WDR1: variants seen among roughly 807,000 people sequenced by gnomAD.
WDR1 encodes WD repeat domain 1, also known as WD repeat-containing protein 1.
WDR1 carries 21 observed loss-of-function variants against 71.9 expected under a neutral mutation model. That is an observed-to-expected ratio of 0.29 (90% confidence interval 0.21 to 0.42). The LOEUF (loss-of-function observed/expected upper bound fraction) is 0.42, where lower values mean the gene tolerates loss of function less well. Ranked by LOEUF, WDR1 falls within the 10% of genes least tolerant of loss-of-function variation. The pLI, the probability that WDR1 is intolerant of heterozygous loss-of-function variation, is 1.00. For synonymous variants in WDR1, 424 were observed against 347.4 expected (o/e 1.22, Z -2.45); for missense variants, 696 against 824.5 (o/e 0.84, Z 1.91).
At chr4:10,104,777 A>G (rs1011653526) in intron 2 of WDR1, among the ~76,000 whole-genome samples, 1 of 152,202 alleles carries the variant, frequency 6.6e-6, no homozygotes, top group African/African-American at 2.4e-5. Flanking sequence ...GAATAAAGAC[A>G]TGGCCATCTA....
intron 6 of WDR1, 55 bp downstream of exon 6, chr4:10,088,609 C>A: frequency 1.4e-6 from 2 of 1,467,470 alleles, no homozygotes; most frequent in South Asian, 1.2e-5. Context: ...TCTGAGCAGT[C>A]ACGGGAGCAG....
intron 9 of WDR1, chr4:10,083,721 C>T: frequency 2.2e-6 from 1 of 457,100 alleles, no homozygotes; most frequent in Non-Finnish European, 4.4e-6. Context: ...GGCATCCCTG[C>T]CCAGGCACTC....
chr4:10,093,028 T>C, intron 5 of WDR1: 1 of 1,279,266 alleles, frequency 7.8e-7, no homozygotes, highest in Non-Finnish European at 1.0e-6. Flanking sequence ...CTCCCACCAA[T>C]ATGCTCCCTC....
chr4:10,103,885 C>G lies in WDR1; in HGVS notation c.229+11G>C, dbSNP rs768515673. The G allele has an allele frequency of 7.0e-6, 11 of 1,572,604 alleles. No individual in the cohort carries two copies. The highest frequency in any genetic ancestry group is 1.9e-5 in the Admixed American group (1 of 53,698). On this transcript the variant is annotated intron_variant, in intron 3 of 14. Transcript: ENST00000499869. ...CCACAGGTGTCCACGAGCCTTGCCCCCATACAGTACCTCCGGAGGCAATGT... is the reference window on the plus strand; with the variant it reads ...CCACAGGTGTCCACGAGCCTTGCCCGCATACAGTACCTCCGGAGGCAATGT...
intron 2 of WDR1, among the ~76,000 whole-genome samples, chr4:10,107,015 T>C (rs779559487): frequency 6.6e-6 from 1 of 151,990 alleles, no homozygotes; most frequent in Non-Finnish European, 1.5e-5. Flanking sequence ...AAGAATGAGA[T>C]TGGGGGTTGA....
intron 2 of WDR1, among the ~76,000 whole-genome samples, chr4:10,109,904 A>G (rs1207857926): frequency 1.3e-5 from 2 of 152,226 alleles, no homozygotes. Context: ...GGGCCCAGAC[A>G]ACCTTCTGAA....
chr4:10,098,185 T>C (rs1181335446), intron 4 of WDR1, among the ~76,000 whole-genome samples: 1 of 152,188 alleles, frequency 6.6e-6, no homozygotes, highest in Non-Finnish European at 1.5e-5. Flanking sequence ...CTTTACAGCT[T>C]CACCATTCTC....
chr4:10,090,623 C>T lies in WDR1; in HGVS notation c.559-1882G>A, dbSNP rs570968889. On this transcript the variant is annotated intron_variant, in intron 5 of 14. Transcript: ENST00000499869. ...CAAACTTGCTTGCCTCAGGTAAGCC[C>T]TCCTCAGGGTGCTGCCAAGACCTGC... is the stretch of plus-strand genomic sequence containing the variant. 7.9e-5 allele frequency among the ~76,000 whole-genome samples: 12 copies of T among 152,368 alleles called. No individual in the cohort carries two copies. In the East Asian group the frequency reaches 2.3e-3, roughly 29 times the overall value.
chr4:10,104,773 A>G (rs1314120499), intron 2 of WDR1, among the ~76,000 whole-genome samples: 2 of 152,214 alleles, frequency 1.3e-5, no homozygotes, highest in Non-Finnish European at 2.9e-5. Flanking sequence ...GAGGGAATAA[A>G]GACATGGCCA....
At chr4:10,084,252 C>A (rs1390613551) in intron 9 of WDR1, among the ~76,000 whole-genome samples, 191 bp downstream of exon 9, 1 of 152,160 alleles carries the variant, frequency 6.6e-6, no homozygotes, top group Non-Finnish European at 1.5e-5. Context: ...TTGCCAAGGA[C>A]AACTCCAGGG....
rs1378215615 is a variant in WDR1, at chr4:10,116,634, C to T, written c.16+17G>A. On this transcript the variant is annotated intron_variant, in intron 1 of 14. Transcript: ENST00000499869. Reference sequence around the variant, plus strand: ...CAGCGCGGCGGCCGCTCGGGGGCCCCGCGCCGCGGCACTTACTGATCTCGT... The same window carrying T: ...CAGCGCGGCGGCCGCTCGGGGGCCCTGCGCCGCGGCACTTACTGATCTCGT... 4 of 1,247,196 alleles carry T rather than the reference C, an allele frequency of 3.2e-6. No homozygotes were observed. Among genetic ancestry groups the T allele is most frequent in the African/African-American group, 3.1e-5 (2 of 63,706 alleles). The allele number at this position is 1,247,196 out of a possible 1,614,324, so 77.3% of individuals were successfully genotyped here.
At chr4:10,105,254 C>T (rs1167240820) in intron 2 of WDR1, among the ~76,000 whole-genome samples, 5 of 152,308 alleles carry the variant, frequency 3.3e-5, no homozygotes, top group African/African-American at 1.2e-4. Context: ...CCTAGCATTC[C>T]TGTCCATCTC....
At chr4:10,093,047 G>A (rs3822247) in intron 5 of WDR1, 487,142 of 1,288,284 alleles carry the variant, frequency 0.38, 94,840 homozygotes, top group Non-Finnish European at 0.41. Flanking sequence ...TCTCACCACC[G>A]AGGAAACCGA....
At chr4:10,110,192 G>A (rs1713267517) in intron 2 of WDR1, among the ~76,000 whole-genome samples, 4 of 152,198 alleles carry the variant, frequency 2.6e-5, no homozygotes, top group Admixed American at 2.6e-4. Context: ...AGGACCCACA[G>A]GTCTAAGGAG....
At chr4:10,106,415 C>G (rs890122934) in intron 2 of WDR1, 6 of 152,344 alleles carry the variant, frequency 3.9e-5, no homozygotes, top group South Asian at 2.1e-4. Flanking sequence ...AGACCCTGTT[C>G]GGTGTACACT....
chr4:10,112,218 A>AT (rs1369185841), intron 2 of WDR1, among the ~76,000 whole-genome samples: 2 of 152,162 alleles, frequency 1.3e-5, no homozygotes, highest in African/African-American at 4.8e-5. Context: ...CACAGAGGTC[A>AT]TAAGAGGCAG....
At chr4:10,103,182 C>T (rs1029809804) in intron 3 of WDR1, among the ~76,000 whole-genome samples, 2 of 152,090 alleles carry the variant, frequency 1.3e-5, no homozygotes, top group Non-Finnish European at 2.9e-5. Flanking sequence ...AAAACGTGAG[C>T]GCTGGCCTGG....
chr4:10,112,578 C>A (rs1713451813), intron 2 of WDR1, among the ~76,000 whole-genome samples: 2 of 152,294 alleles, frequency 1.3e-5, no homozygotes, highest in South Asian at 4.1e-4. Context: ...GTTCACAAAA[C>A]AGCTTTTAAG....
At chr4:10,115,142 C>T (rs980719269) in intron 2 of WDR1, among the ~76,000 whole-genome samples, 9 of 152,244 alleles carry the variant, frequency 5.9e-5, no homozygotes, top group Admixed American at 5.2e-4. Flanking sequence ...GTGCCAGCCG[C>T]CCCCACTAAG....
Sources: gnomAD v4.1 joint callset for allele counts (sites outside exome capture counted in the v4.1 genomes callset) on GRCh38, gnomAD v4.1.1 for gene constraint, MANE v1.5 for transcripts, NCBI Gene and HGNC (gene_info 2026-07-23, HGNC 2026-07-21) for gene names.